CRADD: variants seen among roughly 807,000 people sequenced by gnomAD.
CRADD encodes death domain-containing protein CRADD.
A neutral mutation model predicts 15.5 loss-of-function variants in CRADD; 9 were observed. That is an observed-to-expected ratio of 0.58 (90% confidence interval 0.35 to 1.01). The LOEUF (loss-of-function observed/expected upper bound fraction) is 1.01, where lower values mean the gene tolerates loss of function less well. Among genes scored for constraint, CRADD ranks in the 50% least tolerant of loss-of-function variants. The pLI, the probability that CRADD is intolerant of heterozygous loss-of-function variation, is 0.02. For missense variants in CRADD, 227 were observed against 250.3 expected (o/e 0.91, Z 0.63); for synonymous variants, 118 against 107.6 (o/e 1.10, Z -0.60).
At chr12:93,828,907 G>C (rs1236807978) in intron 2 of CRADD, among the ~76,000 whole-genome samples, 1 of 152,276 alleles carries the variant, frequency 6.6e-6, no homozygotes, top group East Asian at 1.9e-4. Flanking sequence ...GATCGGGAGT[G>C]ATTGAGCTTT....
At chr12:93,844,077 AT>A (rs1474071828) in intron 2 of CRADD, among the ~76,000 whole-genome samples, 2 of 152,176 alleles carry the variant, frequency 1.3e-5, no homozygotes, top group Admixed American at 6.5e-5. Context: ...CTATATCTGC[AT>A]TTTAATTTAC....
intron 2 of CRADD, among the ~76,000 whole-genome samples, chr12:93,830,504 G>T (rs1397216819): frequency 2.0e-5 from 3 of 151,960 alleles, no homozygotes; most frequent in Non-Finnish European, 2.9e-5. Context: ...AGAAAATTTT[G>T]GTTAAACATA....
chr12:93,868,845 G>A (rs1958393726), intron 2 of CRADD, among the ~76,000 whole-genome samples: 1 of 152,148 alleles, frequency 6.6e-6, no homozygotes, highest in Admixed American at 6.5e-5. Context: ...TTGAGTACAG[G>A]GCTGCCAGAG....
chr12:93,713,405 C>T lies in CRADD; in HGVS notation c.298+34333C>T, dbSNP rs1289588823. ...ATTATAGACTACCATGTAATATAGT[C>T]ACCCCTCAGTGTCCGAGGGGTATTG... is the stretch of plus-strand genomic sequence containing the variant. On this transcript the variant is annotated intron_variant, in intron 2 of 2. Transcript: ENST00000332896. Among the ~76,000 whole-genome samples the T allele has an allele frequency of 2.6e-5, 4 of 152,198 alleles. No homozygotes were observed. In the East Asian group the frequency reaches 5.8e-4, roughly 22 times the overall value.
At chr12:93,776,848 A>G (rs1343647871) in intron 2 of CRADD, among the ~76,000 whole-genome samples, 1 of 152,192 alleles carries the variant, frequency 6.6e-6, no homozygotes, top group Non-Finnish European at 1.5e-5. Flanking sequence ...AGAGACAGAA[A>G]GAAGATAGTG....
At chr12:93,794,957 G>A (rs978775892) in intron 2 of CRADD, among the ~76,000 whole-genome samples, 1 of 151,994 alleles carries the variant, frequency 6.6e-6, no homozygotes, top group Non-Finnish European at 1.5e-5. Flanking sequence ...TACTACCTAG[G>A]TTTCGTCTTA....
chr12:93,751,542 A>G (rs756297503), intron 2 of CRADD, among the ~76,000 whole-genome samples: 1 of 152,214 alleles, frequency 6.6e-6, no homozygotes, highest in Non-Finnish European at 1.5e-5. Flanking sequence ...TACTGACCTC[A>G]ATCAGGGTTT....
intron 2 of CRADD, among the ~76,000 whole-genome samples, chr12:93,800,037 T>C (rs1423250143): frequency 6.6e-6 from 1 of 152,198 alleles, no homozygotes; most frequent in East Asian, 1.9e-4. Context: ...ATAGATGATA[T>C]GATATTAATA....
At chr12:93,770,188 C>G (rs1004252327) in intron 2 of CRADD, among the ~76,000 whole-genome samples, 15 of 149,872 alleles carry the variant, frequency 1.0e-4, no homozygotes, top group African/African-American at 3.4e-4. Flanking sequence ...CTCCGCCTCC[C>G]GGGTTCACGC....
At chr12:93,778,234 G>A (rs1267118197) in intron 2 of CRADD, among the ~76,000 whole-genome samples, 1 of 152,118 alleles carries the variant, frequency 6.6e-6, no homozygotes, top group East Asian at 1.9e-4. Context: ...GACATAAACA[G>A]GAATCTCACC....
intron 2 of CRADD, among the ~76,000 whole-genome samples, chr12:93,871,691 T>A (rs1474026645): frequency 6.6e-6 from 1 of 152,224 alleles, no homozygotes; most frequent in Non-Finnish European, 1.5e-5. Context: ...TCTGGCTTAT[T>A]TCACTTCATA....
chr12:93,718,537 AG>A (rs1270404981), intron 2 of CRADD, among the ~76,000 whole-genome samples: 3 of 152,164 alleles, frequency 2.0e-5, no homozygotes, highest in Non-Finnish European at 2.9e-5. Flanking sequence ...ATTGCTTATT[AG>A]TTCCAGGAAT....
intron 2 of CRADD, among the ~76,000 whole-genome samples, chr12:93,874,152 T>C (rs1958441916): frequency 6.6e-6 from 1 of 152,130 alleles, no homozygotes; most frequent in Non-Finnish European, 1.5e-5. Flanking sequence ...AGTTTTGGGT[T>C]TCTTCCTGAT....
intron 2 of CRADD, among the ~76,000 whole-genome samples, chr12:93,691,357 A>T (rs1955566545): frequency 6.6e-6 from 1 of 151,334 alleles, no homozygotes. Context: ...GGGTTCAAGC[A>T]ATTCTCCTGC....
chr12:93,757,105 C>T (rs1257767473), intron 2 of CRADD, among the ~76,000 whole-genome samples: 1 of 152,162 alleles, frequency 6.6e-6, no homozygotes, highest in East Asian at 1.9e-4. Flanking sequence ...GGAAAATTTA[C>T]TAAAACATAC....
intron 2 of CRADD, among the ~76,000 whole-genome samples, chr12:93,701,390 G>T (rs1014255298): frequency 6.6e-6 from 1 of 151,500 alleles, no homozygotes; most frequent in Non-Finnish European, 1.5e-5. Flanking sequence ...GTTACCAGAG[G>T]CCAAGGCTTC....
At chr12:93,690,523 A>T (rs1955539800) in intron 2 of CRADD, among the ~76,000 whole-genome samples, 1 of 152,216 alleles carries the variant, frequency 6.6e-6, no homozygotes, top group African/African-American at 2.4e-5. Context: ...TGGATTGAGA[A>T]TGTAGATGTA....
At chr12:93,811,040 T>C (rs1427557307) in intron 2 of CRADD, among the ~76,000 whole-genome samples, 1 of 99,120 alleles carries the variant, frequency 1.0e-5, no homozygotes, top group Non-Finnish European at 2.1e-5. Context: ...TGTCAGTGAC[T>C]TTTCCCTTAG....
intron 2 of CRADD, among the ~76,000 whole-genome samples, chr12:93,712,086 C>T (rs767294135): frequency 5.9e-5 from 9 of 152,150 alleles, no homozygotes; most frequent in Admixed American, 1.3e-4. Flanking sequence ...ACTAGACACT[C>T]GCCCTCTCAC....
Sources: allele counts gnomAD v4.1 joint callset (sites outside exome capture counted in the v4.1 genomes callset), GRCh38; gene constraint gnomAD v4.1.1; transcripts MANE v1.5; gene names NCBI Gene and HGNC (gene_info 2026-07-23, HGNC 2026-07-21).